Variants in DRC1 observed in about 807,000 individuals in gnomAD.
The protein encoded by DRC1 is dynein regulatory complex protein 1.
A neutral mutation model predicts 98.7 loss-of-function variants in DRC1; 74 were observed. The observed-to-expected ratio is 0.75, with a 90% confidence interval of 0.62 to 0.91. The LOEUF is 0.91. Among genes scored for constraint, DRC1 ranks in the 40% least tolerant of loss-of-function variants. DRC1 has a pLI of 0.00. For synonymous variants in DRC1, 336 were observed against 334.1 expected (o/e 1.01, Z -0.06); for missense variants, 875 against 886.0 (o/e 0.99, Z 0.16).
chr2:26,450,553 G>T (rs1663975170), intron 12 of DRC1, 39 bp from the exon 13 acceptor site: 3 of 1,595,074 alleles, frequency 1.9e-6, no homozygotes, highest in South Asian at 2.2e-5. Context: ...GTGGCCTCTT[G>T]ATGGGGTGTT....
intron 4 of DRC1, among the ~76,000 whole-genome samples, chr2:26,427,974 C>T (rs1466374932): frequency 6.6e-6 from 1 of 152,200 alleles, no homozygotes; most frequent in Admixed American, 6.5e-5. Context: ...ATCCATTCAT[C>T]TGCTGATGGA....
intron 5 of DRC1, chr2:26,430,371 A>G (rs1329585598): frequency 5.4e-6 from 2 of 372,724 alleles, no homozygotes; most frequent in South Asian, 2.1e-5. Flanking sequence ...TCATTTCTGC[A>G]TTCCTAAACC....
At chr2:26,440,322 TG>T in intron 7 of DRC1, 55 bp from the exon 8 acceptor site, 1 of 1,336,418 alleles carries the variant, frequency 7.5e-7, no homozygotes, top group East Asian at 3.2e-5. Context: ...AGTGTGTTTG[TG>T]TGTGTGTGTG....
intron 3 of DRC1, among the ~76,000 whole-genome samples, chr2:26,421,685 T>C (rs576365558): frequency 1.1e-4 from 16 of 151,338 alleles, no homozygotes; most frequent in Non-Finnish European, 1.9e-4. Context: ...CTCAGCCTCC[T>C]GAGTAGCTGG....
At chr2:26,448,497 T>A in intron 10 of DRC1, 194 bp from the exon 11 acceptor site, 1 of 707,888 alleles carries the variant, frequency 1.4e-6, no homozygotes, top group East Asian at 2.8e-5. Context: ...TAGTCTCTGA[T>A]TCCGACCCCC....
rs1663961136 is a variant in DRC1, at chr2:26,450,026, C to T, written c.1540C>T (p.Leu514Phe). The change falls in exon 12 of 17, where the codon CTT becomes TTT. Residue 514 changes from leucine to phenylalanine, a missense_variant. Transcript: ENST00000288710. Reference protein sequence around the residue: ...GFLIESKLLSLLLPLEQNECY... With the variant: ...GFLIESKLLSFLLPLEQNECY... ...CCTCATAGAGAGCAAGCTGCTGAGC[C>T]TTCTCCTGCCCCTGGAGCAGAATGA... 1.2e-6 allele frequency: 2 copies of T among 1,613,814 alleles called. No individual in the cohort carries two copies. The highest frequency in any genetic ancestry group is 1.7e-6 in the Non-Finnish European group (2 of 1,179,994).
intron 10 of DRC1, among the ~76,000 whole-genome samples, chr2:26,446,973 C>T (rs910243340): frequency 6.6e-6 from 1 of 151,878 alleles, no homozygotes; most frequent in Non-Finnish European, 1.5e-5. Context: ...GCCTGTAATC[C>T]CAGCTACTCA....
chr2:26,403,173 AG>A (rs1328297543), intron 1 of DRC1, among the ~76,000 whole-genome samples: 3 of 152,254 alleles, frequency 2.0e-5, no homozygotes, highest in African/African-American at 7.2e-5. Flanking sequence ...CTGATCAAAA[AG>A]TATAGCATTC....
At chr2:26,448,585 G>T (rs1663919077) in intron 10 of DRC1, 106 bp from the exon 11 acceptor site, 4 of 1,150,890 alleles carry the variant, frequency 3.5e-6, no homozygotes, top group South Asian at 2.6e-5. Context: ...GGCTTTTTAA[G>T]AGGTACATTT....
chr2:26,416,284 C>T (rs192228383), intron 2 of DRC1, among the ~76,000 whole-genome samples: 8 of 152,124 alleles, frequency 5.3e-5, no homozygotes, highest in Admixed American at 4.6e-4. Context: ...GAGTCTTGCT[C>T]TGTCACCAGG....
At chr2:26,432,562 AAAGG>A (rs1332818405) in intron 7 of DRC1, among the ~76,000 whole-genome samples, 1 of 148,154 alleles carries the variant, frequency 6.7e-6, no homozygotes, top group Non-Finnish European at 1.5e-5. Context: ...AGAAAGGAAG[AAAGG>A]AAGGAAGGAA....
rs768455141 is a variant in DRC1, at chr2:26,402,139, G to T, written c.150G>T (p.Arg50=). The T allele has an allele frequency of 1.2e-6, 2 of 1,603,906 alleles. No individual in the cohort carries two copies. The highest frequency in any genetic ancestry group is 1.7e-6 in the Non-Finnish European group (2 of 1,176,332). The change falls in exon 1 of 17, where the codon CGG becomes CGT. Residue 50 remains arginine (R), a synonymous_variant. Transcript: ENST00000288710. ...RLRIAARLEA[R]RREALGEYLD... Reference sequence around the variant, plus strand: ...GCATCGCTGCGCGCTTAGAAGCCCGGAGGCGGTGAGCGCGGGGGCGGGCGG... The same window carrying T: ...GCATCGCTGCGCGCTTAGAAGCCCGTAGGCGGTGAGCGCGGGGGCGGGCGG...
chr2:26,414,929 C>T (rs908062857), intron 2 of DRC1, among the ~76,000 whole-genome samples: 5 of 152,176 alleles, frequency 3.3e-5, no homozygotes. Context: ...CATCTCAAGA[C>T]CCAAATCCTC....
intron 16 of DRC1, among the ~76,000 whole-genome samples, 160 bp downstream of exon 16, chr2:26,455,393 T>C (rs1664125327): frequency 6.6e-6 from 1 of 152,172 alleles, no homozygotes; most frequent in Non-Finnish European, 1.5e-5. Context: ...AGACAACTAC[T>C]GGCCAAAGGA....
At chr2:26,416,115 A>C (rs13409838) in intron 2 of DRC1, among the ~76,000 whole-genome samples, 16,479 of 152,094 alleles carry the variant, frequency 0.11, 2,020 homozygotes, top group African/African-American at 0.3. Context: ...TCACTTAGGA[A>C]TTAAGTAGTG....
rs1482494116 is a variant in DRC1, at chr2:26,456,455, T to C, written c.2167-6T>C. On this transcript the variant is annotated splice_region_variant and splice_polypyrimidine_tract_variant and intron_variant, in intron 16 of 16. Transcript: ENST00000288710. Reference sequence around the variant, plus strand: ...AATGTAACGACTTTCACCCTTTCTTTTCCAGATCAACTCTGAACTGCAAGT... The same window carrying C: ...AATGTAACGACTTTCACCCTTTCTTCTCCAGATCAACTCTGAACTGCAAGT... 1 of 1,614,120 alleles carries C rather than the reference T, an allele frequency of 6.2e-7. No homozygotes were observed. Among genetic ancestry groups the C allele is most frequent in the Non-Finnish European group, 8.5e-7 (1 of 1,179,970 alleles).
chr2:26,444,294 G>T lies in DRC1; in HGVS notation c.1101G>T (p.Gln367His). 1 of 1,614,190 alleles carries T rather than the reference G, an allele frequency of 6.2e-7. No homozygotes were observed. The highest frequency in any genetic ancestry group is 8.5e-7 in the Non-Finnish European group (1 of 1,180,044). The change falls in exon 9 of 17, where the codon CAG (glutamine) becomes CAT (histidine). Residue 367 changes from glutamine (Q) to histidine (H), a missense_variant. By Grantham distance (24) the Gln-to-His change is conservative. Coordinates refer to ENST00000288710, the MANE Select transcript of DRC1 (RefSeq NM_145038.5). ...KQIKQFQEEN[Q>H]SLTSDYKRLV... ...TAAAGCAGTTTCAGGAGGAGAACCA[G>T]TCTCTAACCTCGGACTACAAACGTC...
chr2:26,417,412 G>A (rs887706365), intron 2 of DRC1, among the ~76,000 whole-genome samples: 2 of 150,056 alleles, frequency 1.3e-5, no homozygotes, highest in Non-Finnish European at 3.0e-5. Flanking sequence ...CACTGCAACC[G>A]CCGCCTCCTG....
chr2:26,455,626 C>T (rs1664134344), intron 16 of DRC1, among the ~76,000 whole-genome samples: 1 of 151,942 alleles, frequency 6.6e-6, no homozygotes, highest in African/African-American at 2.4e-5. Flanking sequence ...CCTCATTTCA[C>T]ACAAAGGACA....
Sources: allele counts gnomAD v4.1 joint callset (sites outside exome capture counted in the v4.1 genomes callset), GRCh38; gene constraint gnomAD v4.1.1; transcripts MANE v1.5; gene names NCBI Gene and HGNC (gene_info 2026-07-23, HGNC 2026-07-21).